Variants in BAIAP2 observed in about 807,000 individuals in gnomAD.
The protein encoded by BAIAP2 is BAR/IMD domain containing adaptor protein 2.
Under a neutral mutation model 63.0 loss-of-function variants are expected in BAIAP2, and 18 were observed. That is an observed-to-expected ratio of 0.29 (90% CI 0.20 to 0.42). The LOEUF is 0.42. BAIAP2 is among the 10% of genes least tolerant of loss of function. BAIAP2 has a pLI of 1.00. For missense variants in BAIAP2, 610 were observed against 734.3 expected (o/e 0.83, Z 1.96); for synonymous variants, 386 against 307.6 (o/e 1.25, Z -2.67).
chr17:81,088,086 C>T (rs918570225), intron 6 of BAIAP2, among the ~76,000 whole-genome samples: 3 of 152,016 alleles, frequency 2.0e-5, no homozygotes, highest in Non-Finnish European at 2.9e-5. Context: ...TTCCTCCCAC[C>T]GTGGAACGTT....
intron 7 of BAIAP2, among the ~76,000 whole-genome samples, chr17:81,101,940 G>A (rs2058545795): frequency 6.6e-6 from 1 of 152,250 alleles, no homozygotes; most frequent in African/African-American, 2.4e-5. Flanking sequence ...GCGCCCTCTG[G>A]CGGGGGCCAG....
At chr17:81,069,947 T>G (rs1462765669) in intron 3 of BAIAP2, among the ~76,000 whole-genome samples, 1 of 152,034 alleles carries the variant, frequency 6.6e-6, no homozygotes, top group Non-Finnish European at 1.5e-5. Flanking sequence ...TTCTTGGTTT[T>G]TTGTTGTTGT....
chr17:81,096,484 T>G (rs1208825200), intron 6 of BAIAP2, among the ~76,000 whole-genome samples: 1 of 152,260 alleles, frequency 6.6e-6, no homozygotes, highest in African/African-American at 2.4e-5. Flanking sequence ...CCCTGGCAGT[T>G]CCCTGCGGGA....
intron 3 of BAIAP2, among the ~76,000 whole-genome samples, chr17:81,080,201 C>T (rs971688694): frequency 1.3e-5 from 2 of 152,314 alleles, no homozygotes; most frequent in African/African-American, 4.8e-5. Context: ...GGGGGTTAAG[C>T]GCTGGTGGCT....
intron 6 of BAIAP2, chr17:81,098,245 C>T: frequency 7.9e-7 from 1 of 1,267,360 alleles, no homozygotes; most frequent in Non-Finnish European, 1.0e-6. Context: ...GGAGGCGCCT[C>T]TGCCCAGGAT....
At chr17:81,054,641 C>T (rs1033843074) in intron 2 of BAIAP2, among the ~76,000 whole-genome samples, 15 of 152,252 alleles carry the variant, frequency 9.9e-5, no homozygotes, top group African/African-American at 2.9e-4. Context: ...GCAGCAGCTT[C>T]GGGTTTGAGA....
chr17:81,043,585 G>A (rs1405507683), intron 1 of BAIAP2, among the ~76,000 whole-genome samples: 1 of 152,128 alleles, frequency 6.6e-6, no homozygotes, highest in Non-Finnish European at 1.5e-5. Context: ...CACCCGGGAG[G>A]CCCTGTCACT....
At position 81,068,916 on chromosome 17, in the gene BAIAP2, C is replaced by T. The variant is rs148253318; in HGVS notation, c.217+10949C>T. ...TGTCCCAGACATGCTCCTGTGTGCC[C>T]GCTGCCGAGCTCCAGCTGCTCCAGG... On this transcript the variant is annotated intron_variant, in intron 3 of 13. Coordinates refer to ENST00000428708, the MANE Select transcript of BAIAP2 (RefSeq NM_001144888.2). Among the ~76,000 whole-genome samples, 373 of 152,192 alleles carry T rather than the reference C, an allele frequency of 2.5e-3. 5 individuals are homozygous for T. Among genetic ancestry groups the T allele is most frequent in the African/African-American group, 8.4e-3 (350 of 41,522 alleles).
chr17:81,057,972 GACCCCC>G lies in BAIAP2; in HGVS notation c.217+6_217+11del. On this transcript the variant is annotated splice_donor_region_variant and intron_variant, in intron 3 of 13. Coordinates refer to ENST00000428708, the MANE Select transcript of BAIAP2 (RefSeq NM_001144888.2). The stretch of plus-strand genomic sequence containing the variant: ...GCCAGGGCTCCAAAGAACTCGGTGA[GACCCCC>G]CCCCCCCCCCCGCCTGGTAGTCGCC... 1 of 911,328 alleles carries G rather than the reference GACCCCC, an allele frequency of 1.1e-6. No homozygotes were observed. Among genetic ancestry groups the G allele is most frequent in the Non-Finnish European group, 1.5e-6 (1 of 674,554 alleles). 56.5% of individuals were successfully genotyped at this position (911,328 alleles called of 1,614,324 possible). A position where few individuals can be genotyped will look rare whatever the true frequency, so the allele number is the denominator to read the frequency against.
chr17:81,063,479 A>C (rs1237947058), intron 3 of BAIAP2, among the ~76,000 whole-genome samples: 1 of 152,182 alleles, frequency 6.6e-6, no homozygotes, highest in African/African-American at 2.4e-5. Context: ...TCGAGGCCCA[A>C]GGGGCCCTGA....
intron 3 of BAIAP2, among the ~76,000 whole-genome samples, chr17:81,065,005 T>C (rs2051215678): frequency 1.3e-5 from 2 of 152,128 alleles, no homozygotes; most frequent in South Asian, 4.1e-4. Flanking sequence ...CCCGCCATGG[T>C]GTTTCTCCCT....
chr17:81,108,169 A>C, intron 12 of BAIAP2: 1 of 463,694 alleles, frequency 2.2e-6, no homozygotes. Flanking sequence ...CCCTGGGGGC[A>C]GGAGGAGGGG....
At chr17:81,083,771 G>A (rs2055056463) in intron 3 of BAIAP2, 1 of 152,252 alleles carries the variant, frequency 6.6e-6, no homozygotes, top group Admixed American at 6.5e-5. Flanking sequence ...TGTCTCAAAT[G>A]GGATCACAGC....
intron 1 of BAIAP2, chr17:81,036,011 C>T (rs2046201823): frequency 6.6e-6 from 1 of 152,254 alleles, no homozygotes; most frequent in Non-Finnish European, 1.5e-5. Context: ...GCCTTTGCTT[C>T]AGATGTGTTA....
intron 1 of BAIAP2, among the ~76,000 whole-genome samples, chr17:81,037,388 T>C (rs1598466560): frequency 6.6e-6 from 1 of 152,374 alleles, no homozygotes; most frequent in East Asian, 1.9e-4. Context: ...GGTAGGTGGC[T>C]CCTGCTGCCA....
chr17:81,035,338 C>A (rs1333879371), intron 1 of BAIAP2, 30 bp downstream of exon 1: 1 of 1,345,468 alleles, frequency 7.4e-7, no homozygotes, highest in African/African-American at 1.5e-5. Context: ...GAGCTGAGCC[C>A]GCTCCGTGTG....
intron 1 of BAIAP2, among the ~76,000 whole-genome samples, chr17:81,044,173 G>T (rs565563251): frequency 4.1e-4 from 62 of 152,332 alleles, no homozygotes; most frequent in African/African-American, 1.4e-3. Context: ...TTCCTAAGCT[G>T]CCTCCCTGCT....
chr17:81,113,547 G>A (rs1378392166), intron 13 of BAIAP2, among the ~76,000 whole-genome samples: 1 of 152,168 alleles, frequency 6.6e-6, no homozygotes, highest in African/African-American at 2.4e-5. Context: ...AAATAGGGAC[G>A]CCCAGCCCCT....
intron 13 of BAIAP2, chr17:81,111,010 C>T: frequency 6.2e-7 from 1 of 1,607,404 alleles, no homozygotes; most frequent in Non-Finnish European, 8.5e-7. Flanking sequence ...AGTGGTTCTC[C>T]ACGGGCCCTC....
Sources: gnomAD v4.1 joint callset for allele counts (sites outside exome capture counted in the v4.1 genomes callset) on GRCh38, gnomAD v4.1.1 for gene constraint, MANE v1.5 for transcripts, NCBI Gene and HGNC (gene_info 2026-07-23, HGNC 2026-07-21) for gene names.